The following AGBL1 variants were observed in gnomAD, a reference collection of about 807,000 sequenced individuals.
AGBL1 encodes cytosolic carboxypeptidase 4.
Under a neutral mutation model 118.9 loss-of-function variants are expected in AGBL1, and 130 were observed. That is an observed-to-expected ratio of 1.09 (90% confidence interval 0.95 to 1.26). The LOEUF is 1.26. Ranked by LOEUF, AGBL1 falls within the 50% of genes most tolerant of loss-of-function variation. The pLI, the probability that AGBL1 is intolerant of heterozygous loss-of-function variation, is 0.00. For missense variants in AGBL1, 1,584 were observed against 1,298.1 expected, an observed-to-expected ratio of 1.22 and a Z score of -3.38; for synonymous variants, 555 against 478.9, an observed-to-expected ratio of 1.16 and a Z score of -2.08.
Position 86,256,961 on chromosome 15 carries a change from T to C in AGBL1, c.844T>C (p.Tyr282His), listed in dbSNP as rs1024622762. 5.0e-6 allele frequency: 8 copies of C among 1,613,964 alleles called. No homozygotes were observed. Among genetic ancestry groups the C allele is most frequent in the Non-Finnish European group, 6.8e-6 (8 of 1,179,868 alleles). ...PLPLVTASSA[Y>H]AFPVPGCITT... ...TCCCTTGGTCACAGCCAGCAGTGCC[T>C]ATGCCTTCCCGGTCCCCGGGTGCAT... The change falls in exon 8 of 23, where the codon TAT becomes CAT. Residue 282 changes from tyrosine (Y) to histidine (H), a missense_variant. Coordinates refer to ENST00000614907, the MANE Select transcript of AGBL1 (RefSeq NM_001386094.1).
At chr15:87,016,998 T>A (rs1307363300) in intron 24 of AGBL1, among the ~76,000 whole-genome samples, 1 of 151,968 alleles carries the variant, frequency 6.6e-6, no homozygotes, top group African/African-American at 2.4e-5. Flanking sequence ...TGTCCCTACA[T>A]CCCCTAAGAG....
intron 22 of AGBL1, among the ~76,000 whole-genome samples, chr15:86,767,618 G>A (rs1227151124): frequency 6.6e-6 from 1 of 151,836 alleles, no homozygotes; most frequent in Non-Finnish European, 1.5e-5. Context: ...TATCTCATTT[G>A]ACTTATTTCT....
chr15:86,449,901 A>G (rs1036088339), intron 18 of AGBL1, among the ~76,000 whole-genome samples: 1 of 152,008 alleles, frequency 6.6e-6, no homozygotes, highest in African/African-American at 2.4e-5. Context: ...CTGTAGGCAG[A>G]GAAATAAGCT....
At chr15:86,813,730 G>T (rs1334385781) in intron 22 of AGBL1, among the ~76,000 whole-genome samples, 1 of 152,178 alleles carries the variant, frequency 6.6e-6, no homozygotes, top group Admixed American at 6.5e-5. Context: ...AATCCAGAGA[G>T]AGGGTTTGTA....
chr15:86,538,566 C>G (rs2083455175), intron 19 of AGBL1, among the ~76,000 whole-genome samples: 1 of 152,210 alleles, frequency 6.6e-6, no homozygotes, highest in Non-Finnish European at 1.5e-5. Flanking sequence ...CAAGCTGGAA[C>G]CTCCAGGGCT....
intron 24 of AGBL1, among the ~76,000 whole-genome samples, chr15:86,989,641 T>C (rs973320275): frequency 3.9e-5 from 6 of 152,190 alleles, no homozygotes; most frequent in African/African-American, 1.4e-4. Context: ...AAAGGAAGAA[T>C]GGTGATAAAG....
intron 24 of AGBL1, among the ~76,000 whole-genome samples, chr15:87,019,078 A>G (rs948200406): frequency 7.2e-5 from 11 of 152,174 alleles, no homozygotes; most frequent in African/African-American, 2.7e-4. Context: ...TAGCTATCCT[A>G]AATATATATG....
intron 1 of AGBL1, among the ~76,000 whole-genome samples, chr15:86,100,725 G>GTTT (rs1025848264): frequency 2.0e-5 from 3 of 151,744 alleles, no homozygotes; most frequent in African/African-American, 7.3e-5. Context: ...TGTTGTTGTT[G>GTTT]TTGTTTCTGA....
intron 22 of AGBL1, among the ~76,000 whole-genome samples, chr15:86,845,950 T>C (rs1214219014): frequency 6.6e-6 from 1 of 152,148 alleles, no homozygotes; most frequent in Non-Finnish European, 1.5e-5. Flanking sequence ...AAAAGCCAAC[T>C]TACCTTCTTC....
intron 7 of AGBL1, among the ~76,000 whole-genome samples, chr15:86,252,679 A>G (rs7172167): frequency 0.018 from 2,697 of 152,262 alleles, 81 homozygotes; most frequent in African/African-American, 0.059. Flanking sequence ...GAGCGTTTTG[A>G]AAAGTCTAAG....
At chr15:86,972,379 C>T (rs535038114) in intron 23 of AGBL1, among the ~76,000 whole-genome samples, 95 of 152,132 alleles carry the variant, frequency 6.2e-4, no homozygotes, top group African/African-American at 2.2e-3. Flanking sequence ...AATAGTGGCA[C>T]CTGTTGGTGC....
intron 17 of AGBL1, among the ~76,000 whole-genome samples, chr15:86,383,275 A>AAAT (rs544397935): frequency 0.013 from 1,517 of 118,836 alleles, 123 homozygotes; most frequent in African/African-American, 0.043. Context: ...AAAAAAAAAA[A>AAAT]TCCTAATTGC....
At chr15:86,780,293 A>C (rs2078316263) in intron 22 of AGBL1, among the ~76,000 whole-genome samples, 1 of 152,156 alleles carries the variant, frequency 6.6e-6, no homozygotes, top group African/African-American at 2.4e-5. Context: ...TGTTTCAGAA[A>C]CTATCCCTGG....
At chr15:87,031,206 T>C (rs1013598548), downstream of AGBL1, among the ~76,000 whole-genome samples, 5 of 152,018 alleles carry the variant, frequency 3.3e-5, no homozygotes, top group African/African-American at 7.2e-5. Context: ...AAATCACTGA[T>C]ATTTTGTCTC....
chr15:86,857,641 G>T (rs8026665), intron 22 of AGBL1, among the ~76,000 whole-genome samples: 112,244 of 152,036 alleles, frequency 0.74, 41,448 homozygotes, highest in South Asian at 0.76. Context: ...TCATCACAGA[G>T]AGTAGTCATT....
chr15:86,338,588 G>A (rs1462798653), intron 17 of AGBL1, among the ~76,000 whole-genome samples: 3 of 152,156 alleles, frequency 2.0e-5, no homozygotes, highest in Non-Finnish European at 2.9e-5. Context: ...ACTTTGAACA[G>A]AACCACAAAG....
Position 86,633,149 on chromosome 15 carries a change from A to G in AGBL1, c.2995-41124A>G, listed in dbSNP as rs563509619. ...TCTTGAAAGCAACTACAGAGAAAAC[A>G]TAGATTATCTGACTACCATTTAATA... On this transcript the variant is annotated intron_variant, in intron 21 of 22. Coordinates refer to ENST00000614907, the MANE Select transcript of AGBL1 (RefSeq NM_001386094.1). Among the ~76,000 whole-genome samples, 42 of 152,344 alleles carry G rather than the reference A, an allele frequency of 2.8e-4. 1 individual carries two copies. In the South Asian group the frequency reaches 8.7e-3, roughly 32 times the overall value.
intron 1 of AGBL1, 87 bp from the exon 2 acceptor site, chr15:86,141,917 A>C: frequency 5.4e-6 from 7 of 1,295,244 alleles, no homozygotes; most frequent in Non-Finnish European, 7.5e-6. Flanking sequence ...GACAGGAAGT[A>C]GAGCTCTGCC....
chr15:86,122,421 G>T (rs528454161), intron 1 of AGBL1, among the ~76,000 whole-genome samples: 2 of 152,066 alleles, frequency 1.3e-5, no homozygotes, highest in African/African-American at 4.8e-5. Flanking sequence ...TCAAGTGTGG[G>T]CTAGACATAG....
Sources: allele counts gnomAD v4.1 joint callset (sites outside exome capture counted in the v4.1 genomes callset), GRCh38; gene constraint gnomAD v4.1.1; transcripts MANE v1.5; gene names NCBI Gene and HGNC (gene_info 2026-07-23, HGNC 2026-07-21).